PDE6A: variants seen among roughly 807,000 people sequenced by gnomAD.
PDE6A encodes phosphodiesterase 6A.
Under a neutral mutation model 106.3 loss-of-function variants are expected in PDE6A, and 84 were observed. That is an observed-to-expected ratio of 0.79 (90% CI 0.66 to 0.95). The LOEUF is 0.95. Ranked by LOEUF, PDE6A falls within the 40% of genes least tolerant of loss-of-function variation. The pLI is 0.00. For missense variants in PDE6A, 1,052 were observed against 1,084.9 expected (o/e 0.97, Z 0.43); for synonymous variants, 394 against 386.6 (o/e 1.02, Z -0.23).
At chr5:149,899,242 A>C (rs1407272437) in intron 9 of PDE6A, 133 bp downstream of exon 9, 14 of 822,354 alleles carry the variant, frequency 1.7e-5, no homozygotes, top group Non-Finnish European at 2.8e-5. Context: ...AGAGTGAAGA[A>C]AGTGGTTGAT....
Position 149,884,729 on chromosome 5 carries a change from G to C in PDE6A, c.1926+51C>G, listed in dbSNP as rs375352333. ...GCACACTCAGGCTCCTTGTGAAATA[G>C]AGCCTCTGATCCAGGCCCCGCGGCC... is the stretch of plus-strand genomic sequence containing the variant. On this transcript the variant is annotated intron_variant, in intron 15 of 21. Coordinates refer to ENST00000255266, the MANE Select transcript of PDE6A (RefSeq NM_000440.3). 2.6e-6 allele frequency: 4 copies of C among 1,545,222 alleles called. No individual in the cohort carries two copies. The East Asian group carries it at 6.7e-5, about 26-fold the overall frequency.
chr5:149,923,941 G>T (rs1243405859), intron 4 of PDE6A, among the ~76,000 whole-genome samples: 2 of 152,150 alleles, frequency 1.3e-5, no homozygotes, highest in Non-Finnish European at 2.9e-5. Flanking sequence ...ATATCATCCA[G>T]AGAAGCAGAA....
intron 3 of PDE6A, 47 bp downstream of exon 3, chr5:149,933,883 C>T: frequency 1.4e-6 from 2 of 1,383,468 alleles, no homozygotes; most frequent in South Asian, 2.4e-5. Flanking sequence ...ATCAATGCTT[C>T]AGGGAAAGGA....
chr5:149,944,178 T>C, intron 1 of PDE6A, 22 bp downstream of exon 1: 2 of 1,578,636 alleles, frequency 1.3e-6, no homozygotes, highest in Non-Finnish European at 1.7e-6. Flanking sequence ...CCATGCCCTC[T>C]CTCTCATGGG....
rs1760327639 is a variant in PDE6A, at chr5:149,866,230, T to C, written c.2298A>G (p.Ala766=). The part of the protein sequence containing the change: ...NPIPMMDRNK[A]DELPKLQVGF... The stretch of plus-strand genomic sequence containing the variant: ...CGACTTGAAGCTTAGGGAGTTCATC[T>C]GCTTTGTTTCTGTCCATCATGGGCT... Residue 766 remains alanine (A), a synonymous_variant, in exon 20 of 22, where the codon GCA becomes GCG. Coordinates refer to ENST00000255266, the MANE Select transcript of PDE6A (RefSeq NM_000440.3). 1 of 1,614,028 alleles carries C rather than the reference T, an allele frequency of 6.2e-7. No homozygotes were observed. The highest frequency in any genetic ancestry group is 8.5e-7 in the Non-Finnish European group (1 of 1,179,956).
intron 14 of PDE6A, among the ~76,000 whole-genome samples, chr5:149,885,436 G>A (rs1369475806): frequency 6.6e-6 from 1 of 152,242 alleles, no homozygotes. Flanking sequence ...GGGTGGTTGT[G>A]AGGATCCAAT....
intron 14 of PDE6A, among the ~76,000 whole-genome samples, chr5:149,885,331 T>C (rs1752248535): frequency 6.6e-6 from 1 of 152,220 alleles, no homozygotes; most frequent in South Asian, 2.1e-4. Context: ...ATTCAGAGCT[T>C]GTTAATGACT....
In PDE6A at chr5:149,860,099, T is replaced by C. The variant is rs4705387; in HGVS notation, c.*796A>G. 0.64 allele frequency: 96,753 copies of C among 152,000 alleles called. 31,338 individuals are homozygous for C. Among genetic ancestry groups the C allele is most frequent in the African/African-American group, 0.74 (30,757 of 41,416 alleles). The allele number at this position is 152,000 out of a possible 1,614,324, so 9.4% of individuals were successfully genotyped here. A position where few individuals can be genotyped will look rare whatever the true frequency, so the allele number is the denominator to read the frequency against. On this transcript the variant is annotated 3_prime_UTR_variant, in exon 22 of 22. Transcript: ENST00000255266. ...TAGAGACAGGGTTTTGCCATTTTGCTCAGGTTGGTCTCAGACTCCTGGGCT... is the reference window on the plus strand; with the variant it reads ...TAGAGACAGGGTTTTGCCATTTTGCCCAGGTTGGTCTCAGACTCCTGGGCT...
intron 13 of PDE6A, among the ~76,000 whole-genome samples, chr5:149,893,850 C>A (rs1752632594): frequency 6.6e-6 from 1 of 152,168 alleles, no homozygotes; most frequent in South Asian, 2.1e-4. Flanking sequence ...TGGCCAGGCT[C>A]ACTCATGCTC....
rs374896727 is a variant in PDE6A at position 149,924,887 on chromosome 5, A to G, written c.859-3178T>C. ...CTTACGGAAGACTCACTGGGCAAGG[A>G]GGACAAAATTGGAATTCAGAGCCTG... On this transcript the variant is annotated intron_variant, in intron 4 of 21. Coordinates refer to ENST00000255266, the MANE Select transcript of PDE6A (RefSeq NM_000440.3). 1.7e-4 allele frequency among the ~76,000 whole-genome samples: 26 copies of G among 152,278 alleles called. 1 individual carries two copies. The East Asian group carries it at 2.9e-3, about 17-fold the overall frequency.
chr5:149,942,391 G>T (rs1283422402), intron 1 of PDE6A, among the ~76,000 whole-genome samples: 1 of 152,136 alleles, frequency 6.6e-6, no homozygotes, highest in Non-Finnish European at 1.5e-5. Flanking sequence ...TCTGACCTGG[G>T]CTGGTTCACC....
At position 149,944,285 on chromosome 5, in the gene PDE6A, T is replaced by G. The variant is rs372060702; in HGVS notation, c.389A>C (p.Gln130Pro). 1.2e-6 allele frequency: 2 copies of G among 1,613,954 alleles called. No homozygotes were observed. The highest frequency in any genetic ancestry group is 1.7e-6 in the Non-Finnish European group (2 of 1,180,028). ...CATGTCCAAAGGGAAGACGATCTCT[T>G]GGTCGGGCATCACCAGGCAGTCCTC... ...VLEDCLVMPD[Q>P]EIVFPLDMGI... Residue 130 changes from glutamine (Q) to proline (P), a missense_variant, in exon 1 of 22, where the codon CAA (glutamine) becomes CCA (proline). Gln to Pro is a moderately conservative substitution (Grantham distance 76). Around this residue, in one of 3 missense-constraint regions of PDE6A, gnomAD observed 913 missense variants for 915.2 expected, o/e 1.00. Coordinates refer to ENST00000255266, the MANE Select transcript of PDE6A (RefSeq NM_000440.3).
intron 4 of PDE6A, among the ~76,000 whole-genome samples, chr5:149,930,513 G>A (rs1373580824): frequency 1.3e-5 from 2 of 152,210 alleles, no homozygotes; most frequent in South Asian, 2.1e-4. Flanking sequence ...AAAAAACATC[G>A]CTGGGAGCGA....
At chr5:149,926,981 A>G (rs1027253183) in intron 4 of PDE6A, among the ~76,000 whole-genome samples, 3 of 146,674 alleles carry the variant, frequency 2.0e-5, no homozygotes, top group Admixed American at 2.0e-4. Context: ...TCCGTCTCCA[A>G]AAAAAAAAAA....
At chr5:149,867,683 C>A in intron 19 of PDE6A, 42 bp downstream of exon 19, 3 of 1,551,806 alleles carry the variant, frequency 1.9e-6, no homozygotes, top group South Asian at 1.1e-5. Flanking sequence ...CAGGATGGAG[C>A]ACACACACCT....
At chr5:149,906,152 C>A (rs1753169201) in intron 7 of PDE6A, among the ~76,000 whole-genome samples, 1 of 151,968 alleles carries the variant, frequency 6.6e-6, no homozygotes, top group Non-Finnish European at 1.5e-5. Flanking sequence ...GTCACTATGC[C>A]CTGCCAGAGT....
chr5:149,897,578 C>A (rs1215135780), intron 10 of PDE6A, among the ~76,000 whole-genome samples: 1 of 152,116 alleles, frequency 6.6e-6, no homozygotes, highest in East Asian at 1.9e-4. Context: ...AAAACATTAG[C>A]CTGTCTTTAT....
chr5:149,898,127 A>G (rs1752826277), intron 10 of PDE6A, among the ~76,000 whole-genome samples: 1 of 152,204 alleles, frequency 6.6e-6, no homozygotes, highest in Admixed American at 6.5e-5. Flanking sequence ...CAGGCCACAC[A>G]GTGCAGTCGT....
At chr5:149,894,904 C>T (rs1448952536) in intron 13 of PDE6A, among the ~76,000 whole-genome samples, 1 of 152,146 alleles carries the variant, frequency 6.6e-6, no homozygotes, top group African/African-American at 2.4e-5. Context: ...GTTGGGATTA[C>T]AGGCGGCCCT....
Sources: allele counts gnomAD v4.1 joint callset (sites outside exome capture counted in the v4.1 genomes callset), GRCh38; gene constraint gnomAD v4.1.1; regional missense constraint gnomAD v4.1.1; transcripts MANE v1.5; gene names NCBI Gene and HGNC (gene_info 2026-07-23, HGNC 2026-07-21).